Variants in PCDH9 observed in about 807,000 individuals in gnomAD.
PCDH9 encodes the protein protocadherin 9.
A neutral mutation model predicts 70.6 loss-of-function variants in PCDH9; 24 were observed. The ratio of observed to expected loss-of-function variants is 0.34; its 90% CI spans 0.25 to 0.48. PCDH9 has a LOEUF of 0.48. Among genes scored for constraint, PCDH9 ranks in the 20% least tolerant of loss-of-function variants. PCDH9 has a pLI of 0.99. For synonymous variants in PCDH9, 562 were observed against 558.5 expected (o/e 1.01, Z -0.09); for missense variants, 1,281 against 1,503.6 (o/e 0.85, Z 2.45).
At chr13:66,989,023 T>TC (rs2083948947) in intron 2 of PCDH9, among the ~76,000 whole-genome samples, 1 of 151,938 alleles carries the variant, frequency 6.6e-6, no homozygotes, top group Non-Finnish European at 1.5e-5. Context: ...CAAACTTGTT[T>TC]GGAGCACAAC....
At chr13:66,770,725 C>T (rs1041724230) in intron 3 of PCDH9, among the ~76,000 whole-genome samples, 5 of 152,224 alleles carry the variant, frequency 3.3e-5, no homozygotes, top group African/African-American at 1.2e-4. Context: ...ACAGCCTCTT[C>T]TACTCATATA....
intron 3 of PCDH9, among the ~76,000 whole-genome samples, chr13:66,824,168 T>C (rs915098886): frequency 6.6e-6 from 1 of 151,604 alleles, no homozygotes; most frequent in East Asian, 1.9e-4. Context: ...TTAAATCTAC[T>C]TAAATAATTT....
At chr13:67,034,636 CTA>C (rs1281349114) in intron 2 of PCDH9, among the ~76,000 whole-genome samples, 1 of 150,172 alleles carries the variant, frequency 6.7e-6, no homozygotes, top group Non-Finnish European at 1.5e-5. Context: ...ATGTTTTGGT[CTA>C]TGCTTTTATG....
intron 3 of PCDH9, among the ~76,000 whole-genome samples, chr13:66,872,692 T>C (rs1471348550): frequency 6.6e-6 from 1 of 152,132 alleles, no homozygotes; most frequent in African/African-American, 2.4e-5. Flanking sequence ...CAATATGATA[T>C]TTTAACACAG....
chr13:66,620,871 G>A (rs1249023644), intron 4 of PCDH9, among the ~76,000 whole-genome samples: 1 of 152,090 alleles, frequency 6.6e-6, no homozygotes, highest in East Asian at 1.9e-4. Context: ...ACTGGAAGTT[G>A]TTTAAGCTTA....
chr13:66,847,228 T>G lies in PCDH9; in HGVS notation c.3138+56276A>C, dbSNP rs144502923. On this transcript the variant is annotated intron_variant, in intron 3 of 4. Transcript: ENST00000377865. Reference sequence around the variant, plus strand: ...ATTCAAGTTGTTTCTTTAATAAAATTGATTCCATAATAGGTTGTTTTCCTT... The same window carrying G: ...ATTCAAGTTGTTTCTTTAATAAAATGGATTCCATAATAGGTTGTTTTCCTT... Among the ~76,000 whole-genome samples, 526 of 152,308 alleles carry G rather than the reference T, an allele frequency of 3.5e-3. 2 individuals are homozygous for G. Among genetic ancestry groups the G allele is most frequent in the African/African-American group, 0.011 (458 of 41,578 alleles).
At chr13:66,953,970 C>T (rs1384773684) in intron 2 of PCDH9, among the ~76,000 whole-genome samples, 3 of 152,138 alleles carry the variant, frequency 2.0e-5, no homozygotes, top group East Asian at 3.9e-4. Context: ...AGGAAAACAA[C>T]TAAAATTTCA....
intron 2 of PCDH9, among the ~76,000 whole-genome samples, chr13:67,045,074 T>C (rs1453621870): frequency 6.6e-6 from 1 of 152,082 alleles, no homozygotes; most frequent in African/African-American, 2.4e-5. Flanking sequence ...ATTCACAGAA[T>C]ATAGAGAATT....
At chr13:66,695,765 C>T (rs2078554686) in intron 3 of PCDH9, among the ~76,000 whole-genome samples, 1 of 152,088 alleles carries the variant, frequency 6.6e-6, no homozygotes, top group African/African-American at 2.4e-5. Context: ...AAATACACGT[C>T]AGTTTTAATG....
At chr13:66,610,757 G>A (rs1419621949) in intron 4 of PCDH9, among the ~76,000 whole-genome samples, 4 of 152,068 alleles carry the variant, frequency 2.6e-5, no homozygotes, top group Non-Finnish European at 5.9e-5. Flanking sequence ...TTCATGTTAC[G>A]TAAAAATATT....
intron 2 of PCDH9, among the ~76,000 whole-genome samples, chr13:66,932,192 G>A (rs1406815951): frequency 3.3e-5 from 5 of 152,124 alleles, no homozygotes; most frequent in African/African-American, 1.2e-4. Flanking sequence ...ATAGGATGCA[G>A]AAGCCTTGAG....
intron 2 of PCDH9, among the ~76,000 whole-genome samples, chr13:66,968,510 T>C (rs1244628794): frequency 6.6e-6 from 1 of 151,980 alleles, no homozygotes; most frequent in Non-Finnish European, 1.5e-5. Context: ...CGACCTTGCT[T>C]CTTTTATTGG....
intron 4 of PCDH9, among the ~76,000 whole-genome samples, chr13:66,545,570 C>T (rs567408761): frequency 1.4e-3 from 210 of 152,210 alleles, no homozygotes; most frequent in African/African-American, 4.6e-3. Flanking sequence ...ACTATGGTCT[C>T]ATAACATTAC....
At chr13:67,069,008 T>A (rs1259507743) in intron 2 of PCDH9, among the ~76,000 whole-genome samples, 1 of 152,178 alleles carries the variant, frequency 6.6e-6, no homozygotes, top group Admixed American at 6.6e-5. Context: ...AAAACTTGAG[T>A]CTTCCTGACA....
intron 4 of PCDH9, among the ~76,000 whole-genome samples, chr13:66,470,776 G>A (rs1939726944): frequency 6.6e-6 from 1 of 151,136 alleles, no homozygotes; most frequent in African/African-American, 2.4e-5. Context: ...ACTAAGGACT[G>A]TGTAGACAAA....
chr13:66,889,897 T>G (rs1347060649), intron 3 of PCDH9, among the ~76,000 whole-genome samples: 1 of 152,116 alleles, frequency 6.6e-6, no homozygotes, highest in Non-Finnish European at 1.5e-5. Flanking sequence ...TGTGAAGCCA[T>G]GGGGATGATG....
At chr13:66,963,669 A>T (rs1483163444) in intron 2 of PCDH9, among the ~76,000 whole-genome samples, 1 of 152,204 alleles carries the variant, frequency 6.6e-6, no homozygotes, top group East Asian at 1.9e-4. Context: ...ATAATCTTAT[A>T]AACACATGGG....
chr13:66,975,329 C>A (rs1195646627), intron 2 of PCDH9, among the ~76,000 whole-genome samples: 1 of 152,022 alleles, frequency 6.6e-6, no homozygotes, highest in Non-Finnish European at 1.5e-5. Flanking sequence ...GACAAATTAT[C>A]TCAATGGATT....
At chr13:67,211,534 A>C (rs905015509) in intron 2 of PCDH9, 2 of 152,070 alleles carry the variant, frequency 1.3e-5, no homozygotes, top group Non-Finnish European at 2.9e-5. Context: ...ACATTTATCC[A>C]TATGTAAGTT....
Sources: gnomAD v4.1 joint callset for allele counts (sites outside exome capture counted in the v4.1 genomes callset) on GRCh38, gnomAD v4.1.1 for gene constraint, MANE v1.5 for transcripts, NCBI Gene and HGNC (gene_info 2026-07-23, HGNC 2026-07-21) for gene names.